PALLD: variants seen among roughly 807,000 people sequenced by gnomAD.
PALLD encodes palladin.
PALLD carries 61 observed loss-of-function variants against 123.5 expected under a neutral mutation model. That is an observed-to-expected ratio of 0.49 (90% CI 0.40 to 0.61). The LOEUF is 0.61. Ranked by LOEUF, PALLD falls within the 20% of genes least tolerant of loss-of-function variation. The pLI is 0.00. For synonymous variants in PALLD, 465 were observed against 496.4 expected (o/e 0.94, Z 0.84); for missense variants, 1,273 against 1,377.0 (o/e 0.92, Z 1.20).
intron 15 of PALLD, among the ~76,000 whole-genome samples, chr4:168,910,073 A>G (rs1429461915): frequency 6.6e-6 from 1 of 152,166 alleles, no homozygotes; most frequent in Non-Finnish European, 1.5e-5. Context: ...ATTACAAATG[A>G]TAACTATTCC....
chr4:168,616,675 T>TAA (rs1774249458), intron 2 of PALLD, among the ~76,000 whole-genome samples: 2 of 152,140 alleles, frequency 1.3e-5, no homozygotes. Context: ...GCAGGTAGGG[T>TAA]GCTTGAGAAA....
chr4:168,861,258 T>A (rs1175290237), intron 10 of PALLD, among the ~76,000 whole-genome samples: 3 of 143,004 alleles, frequency 2.1e-5, no homozygotes, highest in African/African-American at 7.9e-5. Flanking sequence ...AATAATCGAA[T>A]AAATCTATTG....
At chr4:168,570,562 A>G (rs937330895) in intron 2 of PALLD, among the ~76,000 whole-genome samples, 3 of 152,174 alleles carry the variant, frequency 2.0e-5, no homozygotes, top group African/African-American at 7.2e-5. Flanking sequence ...TTAAATTGCC[A>G]ATTGCACTTT....
intron 10 of PALLD, among the ~76,000 whole-genome samples, chr4:168,783,771 TG>T (rs762005170): frequency 6.6e-6 from 1 of 152,170 alleles, no homozygotes; most frequent in Non-Finnish European, 1.5e-5. Context: ...TGATAAGATA[TG>T]GTAAGATGGA....
chr4:168,727,924 T>C (rs942393354), intron 10 of PALLD, among the ~76,000 whole-genome samples: 1 of 152,228 alleles, frequency 6.6e-6, no homozygotes, highest in Non-Finnish European at 1.5e-5. Flanking sequence ...TTCTTTTGCA[T>C]AGGGCTAGCC....
chr4:168,881,314 A>C (rs1204810623), intron 10 of PALLD, among the ~76,000 whole-genome samples: 1 of 152,098 alleles, frequency 6.6e-6, no homozygotes, highest in Non-Finnish European at 1.5e-5. Flanking sequence ...CTAAGTTTCT[A>C]AACAGTCTGT....
chr4:168,894,684 T>C lies in PALLD; in HGVS notation c.2199+7T>C. On this transcript the variant is annotated splice_region_variant and intron_variant, in intron 12 of 21. Coordinates refer to ENST00000505667, the MANE Select transcript of PALLD (RefSeq NM_001166108.2). ...AGAGGAAACAGCTAATCAGGTACCA[T>C]GTTGCTCTGGACTTCTTAGGGTAAC... 1.2e-6 allele frequency: 2 copies of C among 1,612,584 alleles called. No homozygotes were observed. Among genetic ancestry groups the C allele is most frequent in the Non-Finnish European group, 1.7e-6 (2 of 1,179,058 alleles).
At chr4:168,598,055 C>T (rs1772168894) in intron 2 of PALLD, among the ~76,000 whole-genome samples, 1 of 151,998 alleles carries the variant, frequency 6.6e-6, no homozygotes, top group Admixed American at 6.6e-5. Context: ...AATGTATATC[C>T]TTTTAATAAA....
chr4:168,894,732 A>G, intron 12 of PALLD, 55 bp downstream of exon 12: 1 of 1,582,602 alleles, frequency 6.3e-7, no homozygotes, highest in Non-Finnish European at 8.6e-7. Flanking sequence ...CCCCTTTTCC[A>G]TCTTCCTTAT....
intron 2 of PALLD, among the ~76,000 whole-genome samples, chr4:168,614,228 G>A (rs1335675733): frequency 2.0e-5 from 3 of 152,130 alleles, no homozygotes; most frequent in African/African-American, 7.2e-5. Context: ...AAAAGTCCTG[G>A]ATTGTATTAT....
chr4:168,600,389 C>T (rs950816377), intron 2 of PALLD, among the ~76,000 whole-genome samples: 1 of 152,112 alleles, frequency 6.6e-6, no homozygotes, highest in Non-Finnish European at 1.5e-5. Context: ...AAATGTTTTA[C>T]TTTCATAATA....
intron 8 of PALLD, among the ~76,000 whole-genome samples, chr4:168,696,728 C>G (rs1783163371): frequency 6.6e-6 from 1 of 151,258 alleles, no homozygotes; most frequent in Non-Finnish European, 1.5e-5. Context: ...AAACAGAGTT[C>G]TTGAAATGAA....
intron 2 of PALLD, among the ~76,000 whole-genome samples, chr4:168,554,584 A>G (rs1349013819): frequency 6.6e-6 from 1 of 152,240 alleles, no homozygotes; most frequent in Non-Finnish European, 1.5e-5. Flanking sequence ...ATTATTTAAC[A>G]AGTTGTAATG....
chr4:168,843,668 A>G (rs1746374635), intron 10 of PALLD, among the ~76,000 whole-genome samples: 1 of 152,180 alleles, frequency 6.6e-6, no homozygotes, highest in Non-Finnish European at 1.5e-5. Flanking sequence ...GGAGACATAG[A>G]CATGGTGGTG....
At chr4:168,568,438 C>T (rs943162379) in intron 2 of PALLD, among the ~76,000 whole-genome samples, 13 of 152,098 alleles carry the variant, frequency 8.5e-5, no homozygotes, top group Non-Finnish European at 1.6e-4. Flanking sequence ...TGAAGTCTTT[C>T]CTTCACACAA....
At chr4:168,703,358 G>T (rs1287181206) in intron 8 of PALLD, among the ~76,000 whole-genome samples, 5 of 119,624 alleles carry the variant, frequency 4.2e-5, no homozygotes, top group Non-Finnish European at 3.3e-5. Context: ...GAATAGTGCC[G>T]CAATAAACAT....
intron 10 of PALLD, among the ~76,000 whole-genome samples, chr4:168,836,967 GT>G (rs1745293206): frequency 6.6e-6 from 1 of 152,130 alleles, no homozygotes; most frequent in Non-Finnish European, 1.5e-5. Flanking sequence ...TCCAACTTGA[GT>G]TTTTTAAGGT....
intron 2 of PALLD, among the ~76,000 whole-genome samples, chr4:168,553,080 G>A (rs1016277149): frequency 6.6e-6 from 1 of 152,128 alleles, no homozygotes; most frequent in African/African-American, 2.4e-5. Context: ...TAAATCTCTA[G>A]TGTCATTGGC....
intron 10 of PALLD, among the ~76,000 whole-genome samples, chr4:168,856,193 G>C (rs899711444): frequency 5.9e-5 from 9 of 152,198 alleles, no homozygotes; most frequent in African/African-American, 2.2e-4. Context: ...TGTTGTAGCT[G>C]TATAGTATTC....
Sources: allele counts gnomAD v4.1 joint callset (sites outside exome capture counted in the v4.1 genomes callset), GRCh38; gene constraint gnomAD v4.1.1; transcripts MANE v1.5; gene names NCBI Gene and HGNC (gene_info 2026-07-23, HGNC 2026-07-21).